Variants in CCDC91 observed in about 807,000 individuals in gnomAD.
The protein encoded by CCDC91 is coiled-coil domain containing 91.
Under a neutral mutation model 63.2 loss-of-function variants are expected in CCDC91, and 48 were observed. That is an observed-to-expected ratio of 0.76 (90% CI 0.60 to 0.97). The LOEUF is 0.97. CCDC91 is among the 50% of genes least tolerant of loss of function. CCDC91 has a pLI of 0.00. For missense variants in CCDC91, 500 were observed against 494.6 expected (o/e 1.01, Z -0.10); for synonymous variants, 167 against 165.8 (o/e 1.01, Z -0.06).
chr12:28,424,362 C>T (rs1948185771), intron 8 of CCDC91, among the ~76,000 whole-genome samples: 1 of 152,102 alleles, frequency 6.6e-6, no homozygotes, highest in African/African-American at 2.4e-5. Flanking sequence ...ATAGTTTATG[C>T]ATATATTTAA....
intron 3 of CCDC91, among the ~76,000 whole-genome samples, chr12:28,290,680 G>GT (rs1254795350): frequency 6.6e-6 from 1 of 152,070 alleles, no homozygotes; most frequent in Non-Finnish European, 1.5e-5. Context: ...GGAGCCAATT[G>GT]TTTTTTATAT....
intron 12 of CCDC91, among the ~76,000 whole-genome samples, chr12:28,505,764 C>T (rs1026451727): frequency 6.6e-6 from 1 of 151,954 alleles, no homozygotes; most frequent in African/African-American, 2.4e-5. Context: ...TTTAAGATCT[C>T]AGGTGAGCCT....
At chr12:28,537,855 A>G (rs1592994715) in intron 12 of CCDC91, among the ~76,000 whole-genome samples, 1 of 152,122 alleles carries the variant, frequency 6.6e-6, no homozygotes, top group East Asian at 1.9e-4. Context: ...TCGCCCAATA[A>G]CTGCCACTCT....
At chr12:28,254,874 C>T (rs191410944) in intron 1 of CCDC91, among the ~76,000 whole-genome samples, 2 of 150,394 alleles carry the variant, frequency 1.3e-5, no homozygotes, top group Admixed American at 6.7e-5. Context: ...CAGGTTCAAG[C>T]GATTCTTCTA....
At chr12:28,224,294 CA>C (rs1298639778) in intron 1 of CCDC91, among the ~76,000 whole-genome samples, 1 of 152,056 alleles carries the variant, frequency 6.6e-6, no homozygotes, top group Non-Finnish European at 1.5e-5. Context: ...CTGAGGTTCC[CA>C]AAGGGCATGT....
At chr12:28,303,678 A>G (rs949120940) in intron 3 of CCDC91, among the ~76,000 whole-genome samples, 1 of 152,152 alleles carries the variant, frequency 6.6e-6, no homozygotes, top group African/African-American at 2.4e-5. Context: ...AAATATCAAC[A>G]CTTTACTAAA....
intron 12 of CCDC91, among the ~76,000 whole-genome samples, chr12:28,489,357 A>G (rs1951880839): frequency 6.6e-6 from 1 of 151,944 alleles, no homozygotes; most frequent in African/African-American, 2.4e-5. Flanking sequence ...ATGGGAAAGA[A>G]TACATCCCTG....
At chr12:28,402,474 ATCCTTGTATTC>A (rs1284384018) in intron 8 of CCDC91, among the ~76,000 whole-genome samples, 1 of 141,036 alleles carries the variant, frequency 7.1e-6, no homozygotes, top group Non-Finnish European at 1.5e-5. Context: ...TTTGTATATT[ATCCTTGTATTC>A]TACAAGTTTG....
intron 6 of CCDC91, among the ~76,000 whole-genome samples, chr12:28,322,393 A>G (rs1940595210): frequency 6.6e-6 from 1 of 151,836 alleles, no homozygotes; most frequent in Admixed American, 6.6e-5. Flanking sequence ...ATTACCAATG[A>G]CCTCACACAT....
At chr12:28,463,519 TG>T (rs1185623794) in intron 11 of CCDC91, among the ~76,000 whole-genome samples, 4 of 152,184 alleles carry the variant, frequency 2.6e-5, no homozygotes, top group African/African-American at 9.7e-5. Context: ...TAGAAGTTGC[TG>T]GAATACTTGA....
In CCDC91 at chr12:28,452,624, A is replaced by C; in HGVS notation, c.1071A>C (p.Lys357Asn). The C allele has an allele frequency of 6.4e-7, 1 of 1,562,294 alleles. No homozygotes were observed. The highest frequency in any genetic ancestry group is 2.3e-5 in the East Asian group (1 of 44,106). Residue 357 changes from lysine to asparagine, a missense_variant, in exon 11 of 13, where the codon AAA becomes AAC. Coordinates refer to ENST00000536442, the MANE Select transcript of CCDC91 (RefSeq NM_018318.5). ...DQEKVSQEIQKAIQEQRKISQ... is the reference protein window; with the variant it reads ...DQEKVSQEIQNAIQEQRKISQ... ...AAAAAGTATCTCAGGAAATTCAAAA[A>C]GCTATACAAGAACAAAGAAAAATAA...
At chr12:28,483,782 G>A (rs1951570233) in intron 11 of CCDC91, among the ~76,000 whole-genome samples, 1 of 152,112 alleles carries the variant, frequency 6.6e-6, no homozygotes, top group Non-Finnish European at 1.5e-5. Flanking sequence ...CAAATGAAAG[G>A]TTGGTAGGGA....
chr12:28,450,377 G>T lies in CCDC91; in HGVS notation c.883G>T (p.Glu295Ter). 6.2e-7 allele frequency: 1 copy of T among 1,612,200 alleles called. No homozygotes were observed. The highest frequency in any genetic ancestry group is 8.5e-7 in the Non-Finnish European group (1 of 1,178,592). The change falls in exon 10 of 13, where the codon GAA becomes TAA. Residue 295 changes from glutamate to a stop codon, truncating the protein, a stop_gained. Transcript: ENST00000536442. LOFTEE classifies it high-confidence loss of function. ...KEILEKCLEE[E>*]RQRNKEALVS... ...AATATTGGAAAAGTGTTTGGAGGAA[G>T]AAAGGCAAAGAAATAAAGAGGCATT...
chr12:28,297,789 A>G (rs1246520004), intron 3 of CCDC91, among the ~76,000 whole-genome samples: 1 of 151,870 alleles, frequency 6.6e-6, no homozygotes, highest in Non-Finnish European at 1.5e-5. Context: ...AACTTTAAAA[A>G]TTGCACCTTG....
At chr12:28,229,737 T>G (rs1199066148) in intron 1 of CCDC91, among the ~76,000 whole-genome samples, 1 of 152,172 alleles carries the variant, frequency 6.6e-6, no homozygotes, top group African/African-American at 2.4e-5. Flanking sequence ...GGATCCAGCT[T>G]GAGTCAGTTT....
intron 6 of CCDC91, among the ~76,000 whole-genome samples, chr12:28,356,345 A>G (rs1943525417): frequency 6.6e-6 from 1 of 152,142 alleles, no homozygotes; most frequent in African/African-American, 2.4e-5. Context: ...TTTCTTCTGT[A>G]TTGATGGTAT....
At chr12:28,443,238 CAAA>C (rs1262273114) in intron 8 of CCDC91, among the ~76,000 whole-genome samples, 8 of 82,258 alleles carry the variant, frequency 9.7e-5, no homozygotes, top group Non-Finnish European at 1.1e-4. Context: ...GAGTCCTAGG[CAAA>C]AAAAAAAAAA....
At chr12:28,359,753 G>A (rs1402476674) in intron 6 of CCDC91, among the ~76,000 whole-genome samples, 1 of 149,498 alleles carries the variant, frequency 6.7e-6, no homozygotes, top group Non-Finnish European at 1.5e-5. Context: ...TGATCCACTA[G>A]GTTATAAACA....
intron 6 of CCDC91, among the ~76,000 whole-genome samples, chr12:28,341,020 G>T (rs1942378514): frequency 6.6e-6 from 1 of 152,120 alleles, no homozygotes; most frequent in Non-Finnish European, 1.5e-5. Flanking sequence ...GAGTTGGGTT[G>T]CTCAGTGATG....
Sources: allele counts gnomAD v4.1 joint callset (sites outside exome capture counted in the v4.1 genomes callset), GRCh38; gene constraint gnomAD v4.1.1; transcripts MANE v1.5; gene names NCBI Gene and HGNC (gene_info 2026-07-23, HGNC 2026-07-21).